CHRM4: variants seen among roughly 807,000 people sequenced by gnomAD.
The protein encoded by CHRM4 is cholinergic receptor muscarinic 4.
A neutral mutation model predicts 26.3 loss-of-function variants in CHRM4; 5 were observed. The ratio of observed to expected loss-of-function variants is 0.19; its 90% CI spans 0.10 to 0.40. The LOEUF is 0.40. Among genes scored for constraint, CHRM4 ranks in the 10% least tolerant of loss-of-function variants. The pLI is 1.00. For synonymous variants in CHRM4, 290 were observed against 285.3 expected (o/e 1.02, Z -0.16); for missense variants, 402 against 664.5 (o/e 0.60, Z 4.34).
chr11:46,385,259 C>T lies in CHRM4; in HGVS notation c.1299G>A (p.Thr433=), dbSNP rs200378895. 7.4e-6 allele frequency: 12 copies of T among 1,613,962 alleles called. No individual in the cohort carries two copies. The highest frequency in any genetic ancestry group is 1.6e-4 in the Middle Eastern group (1 of 6,084). The change falls in exon 2 of 2, where the codon ACG becomes ACA. Residue 433 remains threonine (T), a synonymous_variant. Transcript: ENST00000682254. This position sits in a 1 kb window ranked among gnomAD's most constrained non-coding sequence, Gnocchi z 6.3. ...AGAGCCAGTAGCCAATGGACCACACCGTGTCAGGGATGCAGCTCTGGCAGA... is the reference window on the plus strand; with the variant it reads ...AGAGCCAGTAGCCAATGGACCACACTGTGTCAGGGATGCAGCTCTGGCAGA... ...NTFCQSCIPD[T]VWSIGYWLCY...
chr11:46,390,843 C>A (rs1423457292), intron 1 of CHRM4, among the ~76,000 whole-genome samples: 2 of 152,260 alleles, frequency 1.3e-5, no homozygotes, highest in African/African-American at 4.8e-5. Flanking sequence ...GTGCTCCGCA[C>A]GCCCGTGGGG....
intron 1 of CHRM4, among the ~76,000 whole-genome samples, chr11:46,387,396 C>G (rs1945351329): frequency 6.6e-6 from 1 of 152,218 alleles, no homozygotes. Context: ...TCCTGAGTAG[C>G]TGGGACTCCA....
rs1437488601 is a variant in CHRM4 at position 46,386,843 on chromosome 11, C to A, written c.-29-257G>T. Among the ~76,000 whole-genome samples, 1 of 152,042 alleles carries A rather than the reference C, an allele frequency of 6.6e-6. No individual in the cohort carries two copies. Among genetic ancestry groups the A allele is most frequent in the African/African-American group, 2.4e-5 (1 of 41,386 alleles). On this transcript the variant is annotated intron_variant, in intron 1 of 1. Transcript: ENST00000682254. This position sits in a 1 kb window ranked among gnomAD's most constrained non-coding sequence, Gnocchi z 5.8. ...CCCCTGCCTCATGGGGGGAGACATG[C>A]AAACACGTGAGCCACAAAAGAAAAA...
In CHRM4 at chr11:46,386,601, G is replaced by A; in HGVS notation, c.-29-15C>T. On this transcript the variant is annotated splice_polypyrimidine_tract_variant and intron_variant, in intron 1 of 1. Coordinates refer to ENST00000682254, the MANE Select transcript of CHRM4 (RefSeq NM_000741.5). The surrounding 1 kb of genome is among the most constrained non-coding windows in gnomAD (Gnocchi z 5.8). ...GTAGGCCGTGTCTGGGGAGGAAGGG[G>A]AGAGAAAAGCATGAACTACAGGAGG... 1 of 1,591,606 alleles carries A rather than the reference G, an allele frequency of 6.3e-7. No individual in the cohort carries two copies. Among genetic ancestry groups the A allele is most frequent in the Non-Finnish European group, 8.6e-7 (1 of 1,166,094 alleles).
chr11:46,389,162 T>G (rs891623595), intron 1 of CHRM4, among the ~76,000 whole-genome samples: 1 of 151,980 alleles, frequency 6.6e-6, no homozygotes, highest in African/African-American at 2.4e-5. Context: ...CTGCTCAGAG[T>G]TGACCTCCTG....
In CHRM4 at chr11:46,384,449, C is replaced by G. The variant is rs1449680319; in HGVS notation, c.*669G>C. ...CTGAATACGTGGACCACTCACGGCT[C>G]AGCCTGGGATCGCAGAAGGCCAGAC... On this transcript the variant is annotated 3_prime_UTR_variant, in exon 2 of 2. Coordinates refer to ENST00000682254, the MANE Select transcript of CHRM4 (RefSeq NM_000741.5). 2.0e-5 allele frequency among the ~76,000 whole-genome samples: 3 copies of G among 152,240 alleles called. No individual in the cohort carries two copies. Among genetic ancestry groups the G allele is most frequent in the Non-Finnish European group, 4.4e-5 (3 of 68,046 alleles).
Position 46,387,215 on chromosome 11 carries a change from G to A in CHRM4, c.-29-629C>T, listed in dbSNP as rs531896202. Reference sequence around the variant, plus strand: ...CCCTGTAGAAGACACTGGGACAAAGGCAATAATCGGGGTATGTATGAGCAC... The same window carrying A: ...CCCTGTAGAAGACACTGGGACAAAGACAATAATCGGGGTATGTATGAGCAC... On this transcript the variant is annotated intron_variant, in intron 1 of 1. Transcript: ENST00000682254. Among the ~76,000 whole-genome samples, 3 of 152,230 alleles carry A rather than the reference G, an allele frequency of 2.0e-5. No individual in the cohort carries two copies. In the East Asian group the frequency reaches 5.8e-4, roughly 29 times the overall value.
intron 1 of CHRM4, among the ~76,000 whole-genome samples, chr11:46,388,104 C>T (rs1478660806): frequency 1.3e-5 from 2 of 152,202 alleles, no homozygotes; most frequent in Admixed American, 6.5e-5. Context: ...CCAGGGCAGC[C>T]GCTCAGCCCA....
intron 1 of CHRM4, among the ~76,000 whole-genome samples, chr11:46,388,778 G>A (rs1470564954): frequency 6.6e-6 from 1 of 152,238 alleles, no homozygotes; most frequent in Non-Finnish European, 1.5e-5. Context: ...ACGTGGAGGA[G>A]GGGACAGGGC....
At position 46,386,389 on chromosome 11, in the gene CHRM4, T is replaced by C; in HGVS notation, c.169A>G (p.Ile57Val). ...GTCTGCAGCTGCCTGTTGACCTTGA[T>C]GGACAGCATCACCAGGATGTTGCCC... ...VVGNILVMLS[I>V]KVNRQLQTVN... Residue 57 changes from isoleucine (I) to valine (V), a missense_variant, in exon 2 of 2, where the codon ATC becomes GTC. Ile to Val is a conservative substitution (Grantham distance 29, BLOSUM62 3). Transcript: ENST00000682254. The surrounding 1 kb of genome is among the most constrained non-coding windows in gnomAD (Gnocchi z 5.8). The C allele has an allele frequency of 2.5e-6, 4 of 1,613,978 alleles. No homozygotes were observed. Among genetic ancestry groups the C allele is most frequent in the Non-Finnish European group, 3.4e-6 (4 of 1,179,900 alleles).
chr11:46,385,586 G>A lies in CHRM4; in HGVS notation c.972C>T (p.Pro324=), dbSNP rs375016738. The part of the protein sequence containing the change: ...STTEATTPAM[P]APPLQPRALN... ...GGGCCCGCGGCTGCAGGGGAGGGGC[G>A]GGCATGGCGGGCGTGGTGGCCTCTG... The change falls in exon 2 of 2, where the codon CCC becomes CCT. Residue 324 remains proline (P), a synonymous_variant. Transcript: ENST00000682254. The surrounding 1 kb of genome is among the most constrained non-coding windows in gnomAD (Gnocchi z 6.3). The A allele has an allele frequency of 7.1e-6, 11 of 1,551,934 alleles. No homozygotes were observed. The highest frequency in any genetic ancestry group is 1.2e-5 in the South Asian group (1 of 81,420).
At chr11:46,387,963 G>A (rs923368731) in intron 1 of CHRM4, among the ~76,000 whole-genome samples, 5 of 152,210 alleles carry the variant, frequency 3.3e-5, no homozygotes, top group East Asian at 1.9e-4. Flanking sequence ...CACACCGGGC[G>A]GCGCCCTAGC....
Position 46,383,803 on chromosome 11 carries a change from A to T in CHRM4, c.*1315T>A, listed in dbSNP as rs1159247267. 2 of 456,594 alleles carry T rather than the reference A, an allele frequency of 4.4e-6. No homozygotes were observed. The highest frequency in any genetic ancestry group is 8.2e-6 in the Non-Finnish European group (2 of 243,182). 28.3% of individuals were successfully genotyped at this position (456,594 alleles called of 1,614,324 possible). On this transcript the variant is annotated 3_prime_UTR_variant, in exon 2 of 2. Coordinates refer to ENST00000682254, the MANE Select transcript of CHRM4 (RefSeq NM_000741.5). ...AATAAACTGACTTTTTCCCCCCAATAAAAGCTCTTCTTTTTTAATATATAA... is the reference window on the plus strand; with the variant it reads ...AATAAACTGACTTTTTCCCCCCAATTAAAGCTCTTCTTTTTTAATATATAA...
At position 46,386,637 on chromosome 11, in the gene CHRM4, G is replaced by T; in HGVS notation, c.-29-51C>A. 6.6e-7 allele frequency: 1 copy of T among 1,521,602 alleles called. No individual in the cohort carries two copies. The highest frequency in any genetic ancestry group is 9.0e-7 in the Non-Finnish European group (1 of 1,116,370). 94.3% of individuals were successfully genotyped at this position (1,521,602 alleles called of 1,614,324 possible). A position where few individuals can be genotyped will look rare whatever the true frequency, so the allele number is the denominator to read the frequency against. On this transcript the variant is annotated intron_variant, in intron 1 of 1. Coordinates refer to ENST00000682254, the MANE Select transcript of CHRM4 (RefSeq NM_000741.5). This position sits in a 1 kb window ranked among gnomAD's most constrained non-coding sequence, Gnocchi z 5.8. ...ATGAACTACAGGAGGGAATGGGGGA[G>T]TCATCTGGAGGTACACTGGATTCAA...
At chr11:46,387,489 T>C (rs1945352015) in intron 1 of CHRM4, among the ~76,000 whole-genome samples, 3 of 152,210 alleles carry the variant, frequency 2.0e-5, no homozygotes. Flanking sequence ...ATACCATTTT[T>C]TCTCTACTAC....
chr11:46,385,424 G>A lies in CHRM4; in HGVS notation c.1134C>T (p.Ala378=), dbSNP rs780377626. 7.5e-6 allele frequency: 12 copies of A among 1,608,870 alleles called. No individual in the cohort carries two copies. Among genetic ancestry groups the A allele is most frequent in the Non-Finnish European group, 8.5e-6 (10 of 1,175,844 alleles). ...TGCGCACCTGGTTGCGAGCGATGCT[G>A]GCGAACTTGCGGGCCACGTTGGCCG... ...RPAANVARKF[A]SIARNQVRKK... The change falls in exon 2 of 2, where the codon GCC becomes GCT. Residue 378 remains alanine (A), a synonymous_variant. Coordinates refer to ENST00000682254, the MANE Select transcript of CHRM4 (RefSeq NM_000741.5). This position sits in a 1 kb window ranked among gnomAD's most constrained non-coding sequence, Gnocchi z 6.3.
In CHRM4 at chr11:46,384,775, GC is replaced by G. The variant is rs1033771288; in HGVS notation, c.*342del. On this transcript the variant is annotated 3_prime_UTR_variant, in exon 2 of 2. Coordinates refer to ENST00000682254, the MANE Select transcript of CHRM4 (RefSeq NM_000741.5). Reference sequence around the variant, plus strand: ...TGGCCCCTTTGTTCTTCCTGAGGGGGCCCTGGGCTTCGGCCCCCATCCAGAT... The same window carrying G: ...TGGCCCCTTTGTTCTTCCTGAGGGGGCCTGGGCTTCGGCCCCCATCCAGAT... Among the ~76,000 whole-genome samples the G allele has an allele frequency of 2.4e-4, 36 of 152,320 alleles. No homozygotes were observed. Among genetic ancestry groups the G allele is most frequent in the African/African-American group, 8.4e-4 (35 of 41,576 alleles).
intron 1 of CHRM4, among the ~76,000 whole-genome samples, chr11:46,389,851 G>C (rs1436479655): frequency 6.6e-6 from 1 of 152,214 alleles, no homozygotes; most frequent in Non-Finnish European, 1.5e-5. Context: ...AGTTCTGTTT[G>C]TGTGTGCCTA....
At chr11:46,387,509 G>A (rs1425051361) in intron 1 of CHRM4, among the ~76,000 whole-genome samples, 2 of 152,190 alleles carry the variant, frequency 1.3e-5, no homozygotes, top group Non-Finnish European at 2.9e-5. Flanking sequence ...CTTACAGATG[G>A]GGAAACTGAG....
Sources: allele counts gnomAD v4.1 joint callset (sites outside exome capture counted in the v4.1 genomes callset), GRCh38; gene constraint gnomAD v4.1.1; non-coding constraint Gnocchi (gnomAD v3.1); transcripts MANE v1.5; gene names NCBI Gene and HGNC (gene_info 2026-07-23, HGNC 2026-07-21).